TEX11: variants seen among roughly 807,000 people sequenced by gnomAD.
TEX11 encodes the protein testis expressed 11.
Under a neutral mutation model 84.4 loss-of-function variants are expected in TEX11, and 7 were observed. The ratio of observed to expected loss-of-function variants is 0.08; its 90% CI spans 0.05 to 0.16. The LOEUF (loss-of-function observed/expected upper bound fraction) is 0.16, where lower values mean the gene tolerates loss of function less well. Among genes scored for constraint, TEX11 ranks in the 10% least tolerant of loss-of-function variants. The probability of loss-of-function intolerance (pLI) is 1.00; values close to 1 mark genes in which losing one functional copy is unlikely to be tolerated. For missense variants in TEX11, 551 were observed against 660.5 expected, an observed-to-expected ratio of 0.83 and a Z score of 1.82; for synonymous variants, 264 against 222.8, an observed-to-expected ratio of 1.18 and a Z score of -1.64.
At chrX:70,613,214 A>T (rs2089281475) in intron 20 of TEX11, among the ~76,000 whole-genome samples, 2 of 111,866 alleles carry the variant, frequency 1.8e-5, no homozygotes, top group African/African-American at 6.5e-5. Context: ...CATACAAAAA[A>T]TGACTCTCAT....
At chrX:70,735,233 G>A (rs2090686673) in intron 11 of TEX11, among the ~76,000 whole-genome samples, 1 of 110,767 alleles carries the variant, frequency 9.0e-6, no homozygotes, top group South Asian at 3.9e-4. Context: ...TGTATTTTTA[G>A]TAGAGATGGG....
chrX:70,682,847 T>A, intron 13 of TEX11, 22 bp from the exon 14 acceptor site: 1 of 1,197,276 alleles, frequency 8.4e-7, no homozygotes, highest in Non-Finnish European at 1.1e-6. Context: ...GACACAATTT[T>A]AAGCAATGCG....
intron 9 of TEX11, among the ~76,000 whole-genome samples, chrX:70,769,915 C>G (rs1281450140): frequency 9.0e-6 from 1 of 111,723 alleles, no homozygotes; most frequent in Non-Finnish European, 1.9e-5. Context: ...ATTTTATCAC[C>G]GTATATGTAA....
intron 13 of TEX11, among the ~76,000 whole-genome samples, chrX:70,703,296 G>T (rs2090341593): frequency 9.0e-6 from 1 of 111,236 alleles, no homozygotes; most frequent in Non-Finnish European, 1.9e-5. Flanking sequence ...ATAATCTCTT[G>T]TAATCTGACA....
At chrX:70,741,230 T>C (rs2090731658) in intron 10 of TEX11, among the ~76,000 whole-genome samples, 1 of 111,294 alleles carries the variant, frequency 9.0e-6, no homozygotes, top group African/African-American at 3.3e-5. Flanking sequence ...TTCTGAGAAA[T>C]ACTGTAGCTA....
intron 11 of TEX11, among the ~76,000 whole-genome samples, chrX:70,725,779 C>T (rs917741968): frequency 8.9e-6 from 1 of 111,872 alleles, no homozygotes; most frequent in Non-Finnish European, 1.9e-5. Flanking sequence ...TTAATAACAA[C>T]GTTATTTCTA....
chrX:70,641,711 T>C (rs1320267789), intron 17 of TEX11, among the ~76,000 whole-genome samples: 1 of 110,530 alleles, frequency 9.0e-6, no homozygotes, highest in Non-Finnish European at 1.9e-5. Flanking sequence ...AGATGTTCTT[T>C]GAAACCAACG....
At chrX:70,898,395 C>G (rs1175821674) in intron 2 of TEX11, among the ~76,000 whole-genome samples, 1 of 110,886 alleles carries the variant, frequency 9.0e-6, no homozygotes, top group East Asian at 2.9e-4. Flanking sequence ...TAGAGATTTC[C>G]AGGCAGATAC....
intron 8 of TEX11, among the ~76,000 whole-genome samples, chrX:70,822,480 A>G (rs767000169): frequency 1.8e-5 from 2 of 111,419 alleles, no homozygotes; most frequent in Non-Finnish European, 3.8e-5. Context: ...GCATGTATAT[A>G]CAAAATGTGG....
chrX:70,601,555 T>TA (rs1555993829), intron 24 of TEX11, among the ~76,000 whole-genome samples: 4 of 97,363 alleles, frequency 4.1e-5, no homozygotes, highest in East Asian at 3.2e-4. Flanking sequence ...TTTTTTTTTT[T>TA]ATTGATCATT....
At chrX:70,613,408 T>G (rs1444961151) in intron 20 of TEX11, among the ~76,000 whole-genome samples, 1 of 111,444 alleles carries the variant, frequency 9.0e-6, no homozygotes, top group African/African-American at 3.3e-5. Flanking sequence ...GTGCAGAGAT[T>G]ATCAGACTTT....
chrX:70,746,139 T>C (rs2090766241), intron 9 of TEX11, among the ~76,000 whole-genome samples: 1 of 111,845 alleles, frequency 8.9e-6, no homozygotes, highest in Non-Finnish European at 1.9e-5. Flanking sequence ...CCATCTATAC[T>C]GGCTCCATGT....
chrX:70,565,597 G>A (rs1328843591), intron 25 of TEX11, among the ~76,000 whole-genome samples: 1 of 111,018 alleles, frequency 9.0e-6, no homozygotes, highest in Non-Finnish European at 1.9e-5. Context: ...GTAAGGAAGG[G>A]ATCCAGTTTC....
rs147226039 is a variant in TEX11, at chrX:70,720,370, G to A, written c.1004+2248C>T. Among the ~76,000 whole-genome samples the A allele has an allele frequency of 2.0e-3, 223 of 110,736 alleles. 1 individual carries two copies. Among genetic ancestry groups the A allele is most frequent in the African/African-American group, 7.2e-3 (220 of 30,384 alleles). ...AACATCACACACCGGGGCCTTTCATGGGGTGGGAGAAGGGGGTAGGGATAG... is the reference window on the plus strand; with the variant it reads ...AACATCACACACCGGGGCCTTTCATAGGGTGGGAGAAGGGGGTAGGGATAG... On this transcript the variant is annotated intron_variant, in intron 13 of 29. Coordinates refer to ENST00000374333, the MANE Select transcript of TEX11 (RefSeq NM_031276.3).
intron 24 of TEX11, among the ~76,000 whole-genome samples, chrX:70,600,111 G>T (rs1296868125): frequency 2.7e-5 from 3 of 111,190 alleles, no homozygotes; most frequent in African/African-American, 9.8e-5. Flanking sequence ...TTCCACAATG[G>T]TTGAACTAGT....
intron 13 of TEX11, among the ~76,000 whole-genome samples, chrX:70,696,325 A>G (rs773750934): frequency 8.9e-6 from 1 of 111,886 alleles, no homozygotes; most frequent in African/African-American, 3.2e-5. Flanking sequence ...GAATCTTGCA[A>G]TCACAGAATT....
At chrX:70,530,730 G>A (rs1320907847) in intron 28 of TEX11, among the ~76,000 whole-genome samples, 1 of 111,986 alleles carries the variant, frequency 8.9e-6, no homozygotes, top group Non-Finnish European at 1.9e-5. Flanking sequence ...TGCTGTCTCA[G>A]CTGTCATCCT....
At chrX:70,740,830 T>G in intron 10 of TEX11, 34 bp from the exon 11 acceptor site, 1 of 996,208 alleles carries the variant, frequency 1.0e-6, no homozygotes, top group Non-Finnish European at 1.4e-6. Flanking sequence ...AAAGCACATA[T>G]CTGATGGTTA....
At chrX:70,851,370 T>C (rs2091507352) in intron 7 of TEX11, among the ~76,000 whole-genome samples, 1 of 111,751 alleles carries the variant, frequency 8.9e-6, no homozygotes, top group Non-Finnish European at 1.9e-5. Flanking sequence ...CAACAAATGG[T>C]ACTGGGACAA....
Sources: gnomAD v4.1 joint callset for allele counts (sites outside exome capture counted in the v4.1 genomes callset) on GRCh38, gnomAD v4.1.1 for gene constraint, MANE v1.5 for transcripts, NCBI Gene and HGNC (gene_info 2026-07-23, HGNC 2026-07-21) for gene names.